SUGP2: variants seen among roughly 807,000 people sequenced by gnomAD.
SUGP2 encodes SURP and G-patch domain-containing protein 2.
In SUGP2, 24 loss-of-function variants were observed where a neutral mutation model predicts 90.5. That is an observed-to-expected ratio of 0.27 (90% CI 0.19 to 0.37). The LOEUF is 0.37. Among genes scored for constraint, SUGP2 ranks in the 10% least tolerant of loss-of-function variants. The probability of loss-of-function intolerance (pLI) is 1.00; values close to 1 mark genes in which losing one functional copy is unlikely to be tolerated. For synonymous variants in SUGP2, 473 were observed against 513.4 expected, an observed-to-expected ratio of 0.92 and a Z score of 1.06; for missense variants, 1,233 against 1,363.3, an observed-to-expected ratio of 0.90 and a Z score of 1.51.
rs191632868 is a variant in SUGP2 at position 19,009,636 on chromosome 19, C to T, written c.2338+219G>A. 4.6e-5 allele frequency among the ~76,000 whole-genome samples: 7 copies of T among 152,308 alleles called. No individual in the cohort carries two copies. The East Asian group carries it at 9.7e-4, about 21-fold the overall frequency. The stretch of plus-strand genomic sequence containing the variant: ...ATGGGGCAGCACCTCATACCAGCTC[C>T]GCTCTCAGAAGAGGAGGAGGGAGCT... On this transcript the variant is annotated intron_variant, in intron 5 of 10. Coordinates refer to ENST00000452918, the MANE Select transcript of SUGP2 (RefSeq NM_001017392.5).
chr19:18,998,442 G>A (rs565391317), intron 8 of SUGP2, among the ~76,000 whole-genome samples: 1 of 152,168 alleles, frequency 6.6e-6, no homozygotes, highest in South Asian at 2.1e-4. Flanking sequence ...GTAAGCCACC[G>A]CACACCTTTT....
rs539535490 is a variant in SUGP2 at position 19,000,648 on chromosome 19, T to C, written c.2991+965A>G. ...AACTCCTGGGCTCAAGTGATCCCCCTGTCTTGGCCTCCCAAAGCACTGGGA... is the reference window on the plus strand; with the variant it reads ...AACTCCTGGGCTCAAGTGATCCCCCCGTCTTGGCCTCCCAAAGCACTGGGA... On this transcript the variant is annotated intron_variant, in intron 8 of 10. Coordinates refer to ENST00000452918, the MANE Select transcript of SUGP2 (RefSeq NM_001017392.5). Among the ~76,000 whole-genome samples, 4 of 151,614 alleles carry C rather than the reference T, an allele frequency of 2.6e-5. 1 individual carries two copies. In the South Asian group the frequency reaches 6.3e-4, roughly 24 times the overall value.
chr19:19,008,334 G>C lies in SUGP2; in HGVS notation c.2433C>G (p.Thr811=), dbSNP rs201258689. 2 of 1,613,974 alleles carry C rather than the reference G, an allele frequency of 1.2e-6. No individual in the cohort carries two copies. The highest frequency in any genetic ancestry group is 1.7e-6 in the Non-Finnish European group (2 of 1,179,902). ...GTACGTACCACAGGTCAGGGTTATCGGTGCTGTTTTCTATGCTGAATTGTT... is the reference window on the plus strand; with the variant it reads ...GTACGTACCACAGGTCAGGGTTATCCGTGCTGTTTTCTATGCTGAATTGTT... ...EIEQFSIENS[T]DNPDLWFLHD... is the part of the protein sequence containing the mutation. The change falls in exon 6 of 11, where the codon ACC becomes ACG. Residue 811 remains threonine, a synonymous_variant. Transcript: ENST00000452918.
chr19:18,996,921 G>A (rs2057618133), intron 8 of SUGP2, among the ~76,000 whole-genome samples: 1 of 152,136 alleles, frequency 6.6e-6, no homozygotes, highest in Non-Finnish European at 1.5e-5. Flanking sequence ...GTGCTCTTGA[G>A]AGGGAGGGAG....
intron 3 of SUGP2, among the ~76,000 whole-genome samples, chr19:19,022,075 C>T (rs943684512): frequency 1.3e-5 from 2 of 151,976 alleles, no homozygotes; most frequent in African/African-American, 4.8e-5. Flanking sequence ...ACCTCTGCCT[C>T]CTGGGTTCAA....
intron 1 of SUGP2, among the ~76,000 whole-genome samples, chr19:19,031,290 T>C (rs1456538170): frequency 6.6e-6 from 1 of 151,996 alleles, no homozygotes; most frequent in East Asian, 1.9e-4. Context: ...TCCCAGGACT[T>C]TGGGAGGCTG....
chr19:19,021,402 C>CT (rs935279436), intron 3 of SUGP2, among the ~76,000 whole-genome samples: 10 of 150,934 alleles, frequency 6.6e-5, no homozygotes, highest in East Asian at 3.9e-4. Flanking sequence ...TATGAAACTG[C>CT]TTTTTTTTTC....
intron 2 of SUGP2, among the ~76,000 whole-genome samples, chr19:19,029,443 CT>C (rs1275537915): frequency 1.1e-3 from 134 of 126,280 alleles, no homozygotes; most frequent in Middle Eastern, 5.7e-3. Flanking sequence ...CATTTTTTTT[CT>C]TTTTTTTTTT....
chr19:19,024,549 A>G, intron 3 of SUGP2, 70 bp downstream of exon 3: 2 of 1,511,204 alleles, frequency 1.3e-6, no homozygotes, highest in Non-Finnish European at 8.8e-7. Context: ...GTGTAAAAAA[A>G]TCTCGAATAA....
At chr19:19,027,666 G>A (rs1304416314) in intron 2 of SUGP2, among the ~76,000 whole-genome samples, 1 of 149,776 alleles carries the variant, frequency 6.7e-6, no homozygotes, top group Non-Finnish European at 1.5e-5. Flanking sequence ...GTCTCGCTCT[G>A]TTGCCCAGGC....
In SUGP2 at chr19:19,033,448, C is replaced by A. The variant is rs1374145823; in HGVS notation, c.-23G>T. 53 of 1,393,310 alleles carry A rather than the reference C, an allele frequency of 3.8e-5. No homozygotes were observed. The highest frequency in any genetic ancestry group is 4.7e-5 in the Non-Finnish European group (50 of 1,073,104). The allele number at this position is 1,393,310 out of a possible 1,614,324, so 86.3% of individuals were successfully genotyped here. On this transcript the variant is annotated 5_prime_UTR_variant, in exon 1 of 11. Transcript: ENST00000452918. ...GGCCCGGGCCTCACCCCGAGACCACCGCGCGCGGAGCCACCCCCGCCGCCG... is the reference window on the plus strand; with the variant it reads ...GGCCCGGGCCTCACCCCGAGACCACAGCGCGCGGAGCCACCCCCGCCGCCG...
Position 18,991,673 on chromosome 19 carries a change from C to T in SUGP2, c.*2068G>A, listed in dbSNP as rs538942056. The T allele has an allele frequency of 5.2e-5, 8 of 152,422 alleles. No individual in the cohort carries two copies. The highest frequency in any genetic ancestry group is 1.2e-4 in the African/African-American group (5 of 41,582). 9.4% of individuals were successfully genotyped at this position (152,422 alleles called of 1,614,324 possible). A position where few individuals can be genotyped will look rare whatever the true frequency, so the allele number is the denominator to read the frequency against. ...ATCCACGCTGCAGGTGTGTGCGCCT[C>T]GCTCGGGTCAATGGGCTGAGCCCCG... On this transcript the variant is annotated 3_prime_UTR_variant, in exon 11 of 11. Transcript: ENST00000452918.
chr19:19,030,144 A>G (rs1420052471), intron 2 of SUGP2, among the ~76,000 whole-genome samples: 1 of 151,460 alleles, frequency 6.6e-6, no homozygotes, highest in African/African-American at 2.4e-5. Flanking sequence ...AAGACTCCAT[A>G]TCTATTAAAA....
Position 19,010,001 on chromosome 19 carries a change from T to C in SUGP2, c.2192A>G (p.Asn731Ser). The change falls in exon 5 of 11, where the codon AAT becomes AGT. Residue 731 changes from asparagine to serine, a missense_variant. Coordinates refer to ENST00000452918, the MANE Select transcript of SUGP2 (RefSeq NM_001017392.5). ...TGGCGGGCAGTCCTTGGCAGCATCA[T>C]TTCTGTCTGGCAGGGATGGTTTTGC... ...SQAKPSLPDR[N>S]DAAKDCPPDP... is the part of the protein sequence containing the mutation. 6.2e-7 allele frequency: 1 copy of C among 1,613,952 alleles called. No homozygotes were observed. The highest frequency in any genetic ancestry group is 8.5e-7 in the Non-Finnish European group (1 of 1,180,014).
intron 7 of SUGP2, among the ~76,000 whole-genome samples, 153 bp downstream of exon 7, chr19:19,004,015 A>C (rs567371694): frequency 5.2e-5 from 8 of 152,384 alleles, no homozygotes; most frequent in African/African-American, 1.9e-4. Flanking sequence ...CAATGCCTTC[A>C]GACCACTGGG....
Position 19,033,205 on chromosome 19 carries a change from T to C in SUGP2, c.-12+232A>G, listed in dbSNP as rs566510982. The C allele has an allele frequency of 8.3e-5, 22 of 264,864 alleles. No homozygotes were observed. The South Asian group carries it at 3.3e-3, about 40-fold the overall frequency. The allele number at this position is 264,864 out of a possible 1,614,324, so 16.4% of individuals were successfully genotyped here. On this transcript the variant is annotated intron_variant, in intron 1 of 10. Transcript: ENST00000452918. ...AATGAACGACTGAACCAATGAGCCT[T>C]TGTGGACGCGGCCCGCCGTCTCCCG...
rs118108943 is a variant in SUGP2, at chr19:19,014,366, G to C, written c.1851-4024C>G. 1.7e-3 allele frequency among the ~76,000 whole-genome samples: 252 copies of C among 152,284 alleles called. 4 individuals are homozygous for C. The East Asian group carries it at 0.043, about 26-fold the overall frequency. ...AGGCAATGGCCAGTTCTGTCCACAA[G>C]GCTCCAGTGGGAACAAATCATGCTT... On this transcript the variant is annotated intron_variant, in intron 4 of 10. Coordinates refer to ENST00000452918, the MANE Select transcript of SUGP2 (RefSeq NM_001017392.5).
chr19:19,027,492 G>A (rs1221865724), intron 2 of SUGP2, among the ~76,000 whole-genome samples: 2 of 152,220 alleles, frequency 1.3e-5, no homozygotes, highest in Non-Finnish European at 2.9e-5. Context: ...AAACTTGTCA[G>A]TTGAGAGAGC....
At chr19:19,009,414 C>T (rs935605758) in intron 5 of SUGP2, among the ~76,000 whole-genome samples, 4 of 152,116 alleles carry the variant, frequency 2.6e-5, no homozygotes, top group African/African-American at 7.2e-5. Context: ...TTAGTCGATT[C>T]GGAGGAAGCA....
Sources: gnomAD v4.1 joint callset for allele counts (sites outside exome capture counted in the v4.1 genomes callset) on GRCh38, gnomAD v4.1.1 for gene constraint, MANE v1.5 for transcripts, NCBI Gene and HGNC (gene_info 2026-07-23, HGNC 2026-07-21) for gene names.